FBXL17: variants seen among roughly 807,000 people sequenced by gnomAD.
FBXL17 encodes the protein F-box and leucine rich repeat protein 17.
In FBXL17, 22 loss-of-function variants were observed where a neutral mutation model predicts 66.2. That is an observed-to-expected ratio of 0.33 (90% confidence interval 0.24 to 0.47). The LOEUF is 0.47. Among genes scored for constraint, FBXL17 ranks in the 20% least tolerant of loss-of-function variants. FBXL17 has a pLI of 1.00. For synonymous variants in FBXL17, 474 were observed against 400.5 expected, an observed-to-expected ratio of 1.18 and a Z score of -2.19; for missense variants, 878 against 948.2, an observed-to-expected ratio of 0.93 and a Z score of 0.97.
intron 3 of FBXL17, among the ~76,000 whole-genome samples, chr5:108,349,954 T>C (rs900217684): frequency 1.1e-4 from 17 of 152,180 alleles, no homozygotes; most frequent in African/African-American, 3.4e-4. Flanking sequence ...TTGTAAGCAA[T>C]AGAAATCAAA....
At chr5:108,108,722 A>T (rs1182959571) in intron 6 of FBXL17, among the ~76,000 whole-genome samples, 2 of 151,912 alleles carry the variant, frequency 1.3e-5, no homozygotes, top group African/African-American at 4.8e-5. Flanking sequence ...AAACAAGGCA[A>T]GTTAGGAAAA....
At chr5:108,260,941 A>G (rs1210329500) in intron 4 of FBXL17, among the ~76,000 whole-genome samples, 4 of 152,194 alleles carry the variant, frequency 2.6e-5, no homozygotes, top group African/African-American at 9.6e-5. Context: ...GCTGAAGCAG[A>G]ATTATTGAAA....
intron 7 of FBXL17, among the ~76,000 whole-genome samples, chr5:107,908,691 G>A (rs531470822): frequency 6.6e-6 from 1 of 152,278 alleles, no homozygotes; most frequent in South Asian, 2.1e-4. Flanking sequence ...AGTGACAGGA[G>A]GACTGCGGGG....
intron 6 of FBXL17, among the ~76,000 whole-genome samples, chr5:108,170,948 T>C (rs1156256589): frequency 6.6e-6 from 1 of 152,200 alleles, no homozygotes; most frequent in Non-Finnish European, 1.5e-5. Flanking sequence ...AATTTCTCCA[T>C]AATTCAACAA....
chr5:108,077,638 G>A (rs1748602978), intron 6 of FBXL17, among the ~76,000 whole-genome samples: 1 of 149,944 alleles, frequency 6.7e-6, no homozygotes, highest in Admixed American at 6.7e-5. Flanking sequence ...ACTCCAGCCT[G>A]GTTAACAAGG....
intron 7 of FBXL17, among the ~76,000 whole-genome samples, chr5:107,974,298 A>G (rs61166609): frequency 0.035 from 5,379 of 152,272 alleles, 350 homozygotes; most frequent in East Asian, 0.31. Context: ...AGAGGAAAAC[A>G]CTAGTAAAAA....
chr5:107,898,964 C>G (rs1405847415), intron 7 of FBXL17, among the ~76,000 whole-genome samples: 2 of 152,124 alleles, frequency 1.3e-5, no homozygotes, highest in Admixed American at 6.5e-5. Flanking sequence ...GATTTATATT[C>G]CTTTGGGTAT....
intron 6 of FBXL17, among the ~76,000 whole-genome samples, chr5:108,178,516 T>C (rs1252566462): frequency 6.6e-6 from 1 of 152,254 alleles, no homozygotes; most frequent in Non-Finnish European, 1.5e-5. Flanking sequence ...GACTCCATTC[T>C]GTTTCTATAA....
intron 6 of FBXL17, among the ~76,000 whole-genome samples, chr5:108,185,522 C>T (rs559927654): frequency 1.3e-5 from 2 of 152,194 alleles, no homozygotes; most frequent in African/African-American, 4.8e-5. Flanking sequence ...AACCTCTTGT[C>T]TTTATAAATT....
chr5:108,300,132 T>C (rs1561515425), intron 4 of FBXL17, among the ~76,000 whole-genome samples: 1 of 152,004 alleles, frequency 6.6e-6, no homozygotes, highest in Admixed American at 6.6e-5. Flanking sequence ...GAATTAGTAT[T>C]TATATCTCTG....
chr5:107,882,383 T>C (rs1748821824), intron 7 of FBXL17, among the ~76,000 whole-genome samples: 1 of 152,102 alleles, frequency 6.6e-6, no homozygotes, highest in Non-Finnish European at 1.5e-5. Context: ...AAAACTCATG[T>C]CCGTACATTC....
chr5:108,219,928 C>CTTTTTTTTTTTTTTTTTTTTCT, intron 5 of FBXL17, among the ~76,000 whole-genome samples: 1 of 37,432 alleles, frequency 2.7e-5, no homozygotes, highest in East Asian at 1.4e-3. Flanking sequence ...TTACTATTTC[C>CTTTTTTTTTTTTTTTTTTTTCT]TTTTTTTTTT....
At chr5:108,107,835 A>G (rs1196372825) in intron 6 of FBXL17, among the ~76,000 whole-genome samples, 1 of 151,828 alleles carries the variant, frequency 6.6e-6, no homozygotes, top group African/African-American at 2.4e-5. Context: ...AAAAGAAAAA[A>G]GAAAAAGAAA....
chr5:108,352,522 GT>G (rs113839959), intron 3 of FBXL17, among the ~76,000 whole-genome samples: 20 of 152,204 alleles, frequency 1.3e-4, no homozygotes, highest in African/African-American at 4.3e-4. Flanking sequence ...TTGTTGTTTT[GT>G]TTTTTGAGAC....
At chr5:108,155,009 A>G (rs921979977) in intron 6 of FBXL17, among the ~76,000 whole-genome samples, 2 of 152,104 alleles carry the variant, frequency 1.3e-5, no homozygotes, top group Non-Finnish European at 2.9e-5. Context: ...TCCTCTAACT[A>G]CCAGTAAAAT....
chr5:108,118,374 C>T (rs900614589), intron 6 of FBXL17, among the ~76,000 whole-genome samples: 4 of 152,214 alleles, frequency 2.6e-5, no homozygotes, highest in African/African-American at 9.6e-5. Context: ...CAACTTTCCA[C>T]AGTTCTGTTA....
chr5:108,138,018 T>C (rs1751210809), intron 6 of FBXL17, among the ~76,000 whole-genome samples: 1 of 152,192 alleles, frequency 6.6e-6, no homozygotes, highest in African/African-American at 2.4e-5. Flanking sequence ...TTGTCTATTT[T>C]TGTAACTTCC....
chr5:108,041,559 G>A (rs1747047144), intron 6 of FBXL17, among the ~76,000 whole-genome samples: 1 of 151,960 alleles, frequency 6.6e-6, no homozygotes, highest in South Asian at 2.1e-4. Context: ...TAAGACTACA[G>A]GCACATGCCA....
intron 6 of FBXL17, among the ~76,000 whole-genome samples, chr5:108,047,729 G>T (rs1747311654): frequency 6.6e-6 from 1 of 152,168 alleles, no homozygotes; most frequent in Non-Finnish European, 1.5e-5. Flanking sequence ...TCCTCACTGG[G>T]TATGGCCTCC....
Sources: allele counts gnomAD v4.1 joint callset (sites outside exome capture counted in the v4.1 genomes callset), GRCh38; gene constraint gnomAD v4.1.1; transcripts MANE v1.5; gene names NCBI Gene and HGNC (gene_info 2026-07-23, HGNC 2026-07-21).